Variants in PLXNA4 observed in about 807,000 individuals in gnomAD.
PLXNA4 encodes plexin-A4.
A neutral mutation model predicts 191.8 loss-of-function variants in PLXNA4; 44 were observed. That is an observed-to-expected ratio of 0.23 (90% confidence interval 0.18 to 0.29). PLXNA4 has a LOEUF of 0.29. Ranked by LOEUF, PLXNA4 falls within the 10% of genes least tolerant of loss-of-function variation. The pLI is 1.00. For missense variants in PLXNA4, 1,800 were observed against 2,488.8 expected, an observed-to-expected ratio of 0.72 and a Z score of 5.89; for synonymous variants, 1,082 against 1,009.5, an observed-to-expected ratio of 1.07 and a Z score of -1.36.
intron 24 of PLXNA4, 36 bp from the exon 25 acceptor site, chr7:132,159,668 G>A (rs778643176): frequency 6.2e-7 from 1 of 1,610,088 alleles, no homozygotes; most frequent in Non-Finnish European, 8.5e-7. Context: ...CATATGAAAT[G>A]GGGTAGCAGG....
intron 2 of PLXNA4, among the ~76,000 whole-genome samples, chr7:132,588,127 C>T (rs1802535055): frequency 6.6e-6 from 1 of 152,000 alleles, no homozygotes; most frequent in African/African-American, 2.4e-5. Flanking sequence ...TCTTAATGTC[C>T]CACAGAGGCC....
intron 3 of PLXNA4, among the ~76,000 whole-genome samples, chr7:132,446,916 G>A (rs775764744): frequency 6.6e-6 from 1 of 152,156 alleles, no homozygotes; most frequent in Non-Finnish European, 1.5e-5. Context: ...CGACAGGCCT[G>A]TGCCTGGACC....
chr7:132,141,155 T>TCTAACTCTCTGTCTG (rs1795256377), intron 29 of PLXNA4, among the ~76,000 whole-genome samples: 1 of 152,210 alleles, frequency 6.6e-6, no homozygotes, highest in African/African-American at 2.4e-5. Context: ...AAGCGGAATT[T>TCTAACTCTCTGTCTG]CTAACTCTCT....
intron 4 of PLXNA4, among the ~76,000 whole-genome samples, chr7:132,262,709 C>T (rs1296439854): frequency 6.6e-6 from 1 of 152,108 alleles, no homozygotes; most frequent in African/African-American, 2.4e-5. Flanking sequence ...GAGAGAGGCA[C>T]CATCTGCTTT....
At chr7:132,493,976 G>A (rs1797907272) in intron 2 of PLXNA4, among the ~76,000 whole-genome samples, 1 of 152,162 alleles carries the variant, frequency 6.6e-6, no homozygotes, top group South Asian at 2.1e-4. Context: ...TATTACAATA[G>A]TACATACTTT....
chr7:132,168,330 C>T lies in PLXNA4; in HGVS notation c.4260G>A (p.Lys1420=). The T allele has an allele frequency of 6.3e-7, 1 of 1,585,880 alleles. No individual in the cohort carries two copies. The highest frequency in any genetic ancestry group is 1.3e-5 in the African/African-American group (1 of 74,684). Residue 1420 remains lysine, a synonymous_variant, in exon 22 of 32, where the codon AAG becomes AAA. Coordinates refer to ENST00000321063, the MANE Select transcript of PLXNA4 (RefSeq NM_020911.2). ...TCCTGAGCAGCAGCTTAGGGTGGTT[C>T]TTGCTCTCCAGGTTCTTGTCAATGA... The part of the protein sequence containing the change: ...ADLIDKNLES[K]NHPKLLLRRT...
intron 3 of PLXNA4, among the ~76,000 whole-genome samples, chr7:132,433,506 T>C (rs1205410683): frequency 2.6e-5 from 4 of 152,188 alleles, no homozygotes; most frequent in Non-Finnish European, 5.9e-5. Context: ...GGCGTCTTTC[T>C]GAGGTTTGTG....
At chr7:132,248,296 C>T (rs573172305) in intron 4 of PLXNA4, among the ~76,000 whole-genome samples, 2 of 152,212 alleles carry the variant, frequency 1.3e-5, no homozygotes, top group Non-Finnish European at 2.9e-5. Flanking sequence ...TGAAGCAGAA[C>T]TGCCCAGCTG....
At chr7:132,240,585 G>A (rs1798844434) in intron 5 of PLXNA4, among the ~76,000 whole-genome samples, 2 of 152,206 alleles carry the variant, frequency 1.3e-5, no homozygotes, top group South Asian at 4.1e-4. Context: ...AAAATCCTTT[G>A]GAGCTGTTGA....
chr7:132,138,495 G>A (rs1002819038), intron 30 of PLXNA4, among the ~76,000 whole-genome samples: 8 of 152,170 alleles, frequency 5.3e-5, no homozygotes, highest in Non-Finnish European at 4.4e-5. Context: ...GGGAGTGGAC[G>A]TGGACTTGTC....
At chr7:132,383,744 G>A (rs1395376904) in intron 3 of PLXNA4, 14 of 984,500 alleles carry the variant, frequency 1.4e-5, no homozygotes, top group Non-Finnish European at 1.7e-5. Context: ...TATTACCCTT[G>A]AAACAAATTA....
intron 3 of PLXNA4, among the ~76,000 whole-genome samples, chr7:132,323,017 G>A (rs1802232574): frequency 3.3e-5 from 5 of 152,194 alleles, no homozygotes; most frequent in Admixed American, 3.3e-4. Flanking sequence ...ATTTGTATCA[G>A]TGTATTCTCC....
chr7:132,521,030 G>C (rs1324990691), intron 1 of PLXNA4, among the ~76,000 whole-genome samples: 3 of 152,058 alleles, frequency 2.0e-5, no homozygotes, highest in African/African-American at 7.2e-5. Flanking sequence ...TGTCTCCCTT[G>C]CTGGTCTATA....
intron 1 of PLXNA4, among the ~76,000 whole-genome samples, chr7:132,525,010 C>T (rs939072888): frequency 6.6e-6 from 1 of 152,208 alleles, no homozygotes; most frequent in African/African-American, 2.4e-5. Flanking sequence ...CCATCACTGC[C>T]ATCCAGAGCC....
At chr7:132,507,253 C>T (rs1006222196) in intron 2 of PLXNA4, among the ~76,000 whole-genome samples, 1 of 152,130 alleles carries the variant, frequency 6.6e-6, no homozygotes, top group East Asian at 1.9e-4. Flanking sequence ...AACTAGTGAG[C>T]CAATATGAGG....
chr7:132,307,388 C>T (rs770954505), intron 3 of PLXNA4, among the ~76,000 whole-genome samples: 4 of 152,182 alleles, frequency 2.6e-5, no homozygotes, highest in Non-Finnish European at 5.9e-5. Flanking sequence ...TCATACACAC[C>T]ACGGGAGCAG....
chr7:132,546,253 A>G (rs1331374356), intron 1 of PLXNA4, among the ~76,000 whole-genome samples: 5 of 152,238 alleles, frequency 3.3e-5, no homozygotes, highest in Non-Finnish European at 5.9e-5. Flanking sequence ...AAATGCAGGA[A>G]TAGATGCTTC....
intron 2 of PLXNA4, among the ~76,000 whole-genome samples, chr7:132,620,537 G>A (rs1803240133): frequency 6.6e-6 from 1 of 152,000 alleles, no homozygotes; most frequent in Non-Finnish European, 1.5e-5. Flanking sequence ...TAATTACCAT[G>A]TCAAGCCCAG....
chr7:132,527,662 T>C (rs528982186), intron 1 of PLXNA4, among the ~76,000 whole-genome samples: 11 of 151,772 alleles, frequency 7.2e-5, no homozygotes, highest in Admixed American at 5.9e-4. Flanking sequence ...CAAAAATCGA[T>C]GAGGCAACGG....
Sources: allele counts gnomAD v4.1 joint callset (sites outside exome capture counted in the v4.1 genomes callset), GRCh38; gene constraint gnomAD v4.1.1; transcripts MANE v1.5; gene names NCBI Gene and HGNC (gene_info 2026-07-23, HGNC 2026-07-21).